The following NRL variants were observed in gnomAD, a reference collection of about 807,000 sequenced individuals.
The protein encoded by NRL is neural retina leucine zipper, also known as neural retina-specific leucine zipper protein.
Under a neutral mutation model 12.5 loss-of-function variants are expected in NRL, and 16 were observed. That is an observed-to-expected ratio of 1.28 (90% CI 0.87 to 1.95). NRL has a LOEUF of 1.95. Among genes scored for constraint, NRL ranks in the 30% most tolerant of loss-of-function variants. The probability of loss-of-function intolerance (pLI) is 0.00; values close to 1 mark genes in which losing one functional copy is unlikely to be tolerated. For missense variants in NRL, 314 were observed against 325.8 expected (o/e 0.96, Z 0.28); for synonymous variants, 142 against 150.9 (o/e 0.94, Z 0.43).
chr14:24,103,031 G>A, intron 1 of NRL: 2 of 1,191,198 alleles, frequency 1.7e-6, no homozygotes, highest in South Asian at 1.3e-5. Context: ...AACTTGGGAG[G>A]AGGCAAAGGG....
intron 1 of NRL, among the ~76,000 whole-genome samples, chr14:24,089,749 G>A (rs1421809425): frequency 6.6e-6 from 1 of 152,164 alleles, no homozygotes; most frequent in Non-Finnish European, 1.5e-5. Flanking sequence ...TGCATCACAG[G>A]GACAGGTTGC....
rs932990682 is a variant in NRL, at chr14:24,082,677, T to A, written c.172A>T (p.Met58Leu). ...CGGGTGCCCTCGGTTGCCCCCACCA[T>A]GCCTGGTTCACTGAAGGTGGGTGAA... is the stretch of plus-strand genomic sequence containing the variant. ...PPSPTFSEPG[M>L]VGATEGTRPG... Residue 58 changes from methionine (M) to leucine (L), a missense_variant, in exon 2 of 3, where the codon ATG becomes TTG. By Grantham distance (15) the Met-to-Leu change is conservative (BLOSUM62 2). Coordinates refer to ENST00000561028, the MANE Select transcript of NRL (RefSeq NM_001354768.3). 10 of 1,613,986 alleles carry A rather than the reference T, an allele frequency of 6.2e-6. No homozygotes were observed. The African/African-American group carries it at 1.3e-4, about 22-fold the overall frequency.
At position 24,098,502 on chromosome 14, in the gene NRL, G is replaced by A. The variant is rs1566576107; in HGVS notation, c.-27-15627C>T. The A allele has an allele frequency of 2.5e-6, 4 of 1,614,004 alleles. No individual in the cohort carries two copies. The Admixed American group carries it at 6.7e-5, about 27-fold the overall frequency. On this transcript the variant is annotated intron_variant, in intron 1 of 2. Coordinates refer to ENST00000561028, the MANE Select transcript of NRL (RefSeq NM_001354768.3). ...CGCACCATGTATGTGCTTCCATTCAGCATGGGTCCTGTGGGCTCCCCGCTG... is the reference window on the plus strand; with the variant it reads ...CGCACCATGTATGTGCTTCCATTCAACATGGGTCCTGTGGGCTCCCCGCTG...
At chr14:24,099,416 C>A in intron 1 of NRL, 1 of 1,014,656 alleles carries the variant, frequency 9.9e-7, no homozygotes, top group Non-Finnish European at 1.4e-6. Context: ...CTGCCACTAA[C>A]CCAGGCCTGA....
At chr14:24,088,715 G>A (rs375908625) in intron 1 of NRL, among the ~76,000 whole-genome samples, 10 of 147,862 alleles carry the variant, frequency 6.8e-5, no homozygotes, top group South Asian at 2.2e-4. Flanking sequence ...GTGTGATCTC[G>A]GCTTACTGCA....
chr14:24,100,085 T>A (rs1345191995), intron 1 of NRL: 1 of 1,612,728 alleles, frequency 6.2e-7, no homozygotes, highest in African/African-American at 1.3e-5. Flanking sequence ...ATGGCTACAA[T>A]CCAGAGTAAC....
At chr14:24,111,143 G>A (rs944914186) in intron 1 of NRL, among the ~76,000 whole-genome samples, 1 of 152,090 alleles carries the variant, frequency 6.6e-6, no homozygotes, top group Non-Finnish European at 1.5e-5. Flanking sequence ...ACGATGGCCG[G>A]CTATTTTTTT....
chr14:24,105,266 G>A (rs1249798252), intron 1 of NRL, among the ~76,000 whole-genome samples: 1 of 152,226 alleles, frequency 6.6e-6, no homozygotes, highest in South Asian at 2.1e-4. Flanking sequence ...TCTGCCCAGG[G>A]TGGGCCATGT....
intron 1 of NRL, among the ~76,000 whole-genome samples, chr14:24,111,614 G>T (rs959737490): frequency 1.7e-4 from 25 of 151,486 alleles, no homozygotes; most frequent in African/African-American, 5.8e-4. Flanking sequence ...TGATCCACCC[G>T]CCTTGGCCTC....
intron 1 of NRL, among the ~76,000 whole-genome samples, chr14:24,102,159 C>T (rs1330612930): frequency 4.6e-5 from 7 of 152,132 alleles, no homozygotes; most frequent in Admixed American, 6.5e-5. Context: ...ACCTGGGAGG[C>T]GGAGGTTGCA....
In NRL at chr14:24,081,972, C is replaced by G; in HGVS notation, c.382-404G>C. On this transcript the variant is annotated intron_variant, in intron 2 of 2. Transcript: ENST00000561028. The surrounding 1 kb of genome is among the most constrained non-coding windows in gnomAD (Gnocchi z 4.4). ...GTCCTGAAGCCTGCAACCCGGTGAC[C>G]CTCACAGGATTTGGATTACATCCTA... 1 of 1,222,136 alleles carries G rather than the reference C, an allele frequency of 8.2e-7. No individual in the cohort carries two copies. The highest frequency in any genetic ancestry group is 1.6e-5 in the African/African-American group (1 of 62,864). The allele number at this position is 1,222,136 out of a possible 1,614,324, so 75.7% of individuals were successfully genotyped here. A position where few individuals can be genotyped will look rare whatever the true frequency, so the allele number is the denominator to read the frequency against.
chr14:24,091,100 A>T (rs2036615241), intron 1 of NRL, among the ~76,000 whole-genome samples: 1 of 150,752 alleles, frequency 6.6e-6, no homozygotes, highest in African/African-American at 2.4e-5. Context: ...GTTCATTCTA[A>T]GGGACGAACA....
Position 24,099,676 on chromosome 14 carries a change from A to T in NRL, c.-28+15046T>A, listed in dbSNP as rs776607310. ...CCTGCACTGCCAGGCTGGAAAGTGG[A>T]GTGTGTGGGGGATGATATTGCTTGG... is the stretch of plus-strand genomic sequence containing the variant. On this transcript the variant is annotated intron_variant, in intron 1 of 2. Coordinates refer to ENST00000561028, the MANE Select transcript of NRL (RefSeq NM_001354768.3). 3.7e-6 allele frequency: 6 copies of T among 1,613,872 alleles called. No homozygotes were observed. The African/African-American group carries it at 8.0e-5, about 22-fold the overall frequency.
rs1231437890 is a variant in NRL at position 24,094,846 on chromosome 14, G to A, written c.-27-11971C>T. 1 of 1,310,554 alleles carries A rather than the reference G, an allele frequency of 7.6e-7. No homozygotes were observed. The highest frequency in any genetic ancestry group is 1.0e-6 in the Non-Finnish European group (1 of 1,002,796). 81.2% of individuals were successfully genotyped at this position (1,310,554 alleles called of 1,614,324 possible). On this transcript the variant is annotated intron_variant, in intron 1 of 2. Coordinates refer to ENST00000561028, the MANE Select transcript of NRL (RefSeq NM_001354768.3). This position sits in a 1 kb window ranked among gnomAD's most constrained non-coding sequence, Gnocchi z 4.1. ...AGGCAGCAGGGCCCTGGGGACAAGG[G>A]TACGTGAGCCCCGGGAGACTAAGCT... is the stretch of plus-strand genomic sequence containing the variant.
Position 24,080,740 on chromosome 14 carries a change from G to C in NRL, c.*496C>G, listed in dbSNP as rs1046783071. 6.5e-6 allele frequency: 1 copy of C among 152,744 alleles called. No homozygotes were observed. The highest frequency in any genetic ancestry group is 6.5e-5 in the Admixed American group (1 of 15,282). The allele number at this position is 152,744 out of a possible 1,614,324, so 9.5% of individuals were successfully genotyped here. ...GGGCAGGGAAAAAGCATCTCGGATA[G>C]AGGTCCTAATCTATCTAGTTGTTGG... On this transcript the variant is annotated 3_prime_UTR_variant, in exon 3 of 3. Coordinates refer to ENST00000561028, the MANE Select transcript of NRL (RefSeq NM_001354768.3).
chr14:24,082,479 G>C lies in NRL; in HGVS notation c.370C>G (p.Gln124Glu). 6.2e-7 allele frequency: 1 copy of C among 1,612,640 alleles called. No homozygotes were observed. Among genetic ancestry groups the C allele is most frequent in the Non-Finnish European group, 8.5e-7 (1 of 1,180,016 alleles). The stretch of plus-strand genomic sequence containing the variant: ...TGCTGACCACTCACCTGGACGTGCT[G>C]GGCTCCTGTCTCCTCTGGGCTCCCT... ...YPGSPEETGA[Q>E]HVQLAERFSD... Residue 124 changes from glutamine to glutamate, a missense_variant, in exon 2 of 3, where the codon CAG becomes GAG. Transcript: ENST00000561028.
rs751999073 is a variant in NRL at position 24,099,731 on chromosome 14, C to G, written c.-28+14991G>C. On this transcript the variant is annotated intron_variant, in intron 1 of 2. Transcript: ENST00000561028. ...GGTTTGACAGTGAAGGTGAGGGACT[C>G]TCAGATCATACTCTTGGTTCTGGCT... 4 of 1,610,752 alleles carry G rather than the reference C, an allele frequency of 2.5e-6. 1 individual carries two copies. Among genetic ancestry groups the G allele is most frequent in the Non-Finnish European group, 3.4e-6 (4 of 1,176,882 alleles).
At chr14:24,099,099 C>CACGT in intron 1 of NRL, 1 of 1,611,906 alleles carries the variant, frequency 6.2e-7, no homozygotes, top group Non-Finnish European at 8.5e-7. Flanking sequence ...CCTGATTGGC[C>CACGT]ACGTGCCCGA....
At position 24,081,018 on chromosome 14, in the gene NRL, T is replaced by A; in HGVS notation, c.*218A>T. The stretch of plus-strand genomic sequence containing the variant: ...GCTAGTCATGTGGGCTGGGTTTCTG[T>A]GTTCGTAAGGGGAGGGGACCCCTCT... On this transcript the variant is annotated 3_prime_UTR_variant, in exon 3 of 3. Transcript: ENST00000561028. This position sits in a 1 kb window ranked among gnomAD's most constrained non-coding sequence, Gnocchi z 4.4. 1 of 394,096 alleles carries A rather than the reference T, an allele frequency of 2.5e-6. No individual in the cohort carries two copies. 24.4% of individuals were successfully genotyped at this position (394,096 alleles called of 1,614,324 possible).
Sources: allele counts gnomAD v4.1 joint callset (sites outside exome capture counted in the v4.1 genomes callset), GRCh38; gene constraint gnomAD v4.1.1; non-coding constraint Gnocchi (gnomAD v3.1); transcripts MANE v1.5; gene names NCBI Gene and HGNC (gene_info 2026-07-23, HGNC 2026-07-21).